DEPTOR: variants seen among roughly 807,000 people sequenced by gnomAD.
DEPTOR encodes the protein DEP domain-containing mTOR-interacting protein.
A neutral mutation model predicts 41.6 loss-of-function variants in DEPTOR; 41 were observed. The observed-to-expected ratio is 0.98, with a 90% CI of 0.77 to 1.28. The LOEUF (loss-of-function observed/expected upper bound fraction) is 1.28, where lower values mean the gene tolerates loss of function less well. Ranked by LOEUF, DEPTOR falls within the 50% of genes most tolerant of loss-of-function variation. The probability of loss-of-function intolerance (pLI) is 0.00; values close to 1 mark genes in which losing one functional copy is unlikely to be tolerated. For missense variants in DEPTOR, 514 were observed against 527.9 expected (o/e 0.97, Z 0.26); for synonymous variants, 195 against 192.3 (o/e 1.01, Z -0.12).
intron 1 of DEPTOR, among the ~76,000 whole-genome samples, chr8:119,889,210 AG>A (rs1421220861): frequency 1.3e-5 from 2 of 152,104 alleles, no homozygotes; most frequent in African/African-American, 4.8e-5. Flanking sequence ...CACTTAAAAA[AG>A]TAAGTCATGC....
intron 8 of DEPTOR, among the ~76,000 whole-genome samples, chr8:120,013,280 G>A (rs947570490): frequency 6.6e-6 from 1 of 152,054 alleles, no homozygotes; most frequent in Non-Finnish European, 1.5e-5. Flanking sequence ...CTGTTTGTTG[G>A]TTAAATTACA....
At chr8:119,959,162 T>C (rs944750554) in intron 3 of DEPTOR, among the ~76,000 whole-genome samples, 31 of 132,332 alleles carry the variant, frequency 2.3e-4, no homozygotes, top group East Asian at 1.2e-3. Context: ...TTCTTTCTTT[T>C]TTTTTTTTTT....
chr8:120,018,523 G>A (rs1339940259), intron 8 of DEPTOR, among the ~76,000 whole-genome samples: 2 of 151,996 alleles, frequency 1.3e-5, no homozygotes, highest in Non-Finnish European at 2.9e-5. Context: ...AGGTTGCCGT[G>A]AACCAAGATC....
At chr8:119,890,257 G>A (rs1827434707) in intron 1 of DEPTOR, among the ~76,000 whole-genome samples, 1 of 149,422 alleles carries the variant, frequency 6.7e-6, no homozygotes, top group Non-Finnish European at 1.5e-5. Context: ...GCCTGGCAAG[G>A]TGTCCATTGT....
At chr8:119,887,049 A>T (rs1186874200) in intron 1 of DEPTOR, among the ~76,000 whole-genome samples, 1 of 150,244 alleles carries the variant, frequency 6.7e-6, no homozygotes, top group Non-Finnish European at 1.5e-5. Context: ...ACCTAAAACC[A>T]CATTATATTA....
chr8:120,003,200 G>A (rs1174968177), intron 6 of DEPTOR, 89 bp downstream of exon 6: 1 of 1,555,874 alleles, frequency 6.4e-7, no homozygotes, highest in Non-Finnish European at 8.7e-7. Context: ...CGGGAGACTA[G>A]TGTGTGGGTT....
At chr8:119,995,357 G>A (rs1391684676) in intron 4 of DEPTOR, among the ~76,000 whole-genome samples, 3 of 152,056 alleles carry the variant, frequency 2.0e-5, no homozygotes, top group African/African-American at 7.2e-5. Context: ...GAGGCAAGGC[G>A]AGTGGATCAC....
chr8:119,925,969 C>T (rs932591547), intron 1 of DEPTOR, among the ~76,000 whole-genome samples: 3 of 152,134 alleles, frequency 2.0e-5, no homozygotes, highest in African/African-American at 7.2e-5. Flanking sequence ...TGTTTAGCTC[C>T]CTTTTAGAAG....
chr8:120,038,124 C>T (rs1299731259), intron 8 of DEPTOR, among the ~76,000 whole-genome samples: 1 of 150,994 alleles, frequency 6.6e-6, no homozygotes, highest in Non-Finnish European at 1.5e-5. Context: ...AAAAAATTAG[C>T]CAGATGTGGT....
chr8:119,997,110 A>G (rs1412946279), intron 4 of DEPTOR, among the ~76,000 whole-genome samples: 1 of 152,044 alleles, frequency 6.6e-6, no homozygotes, highest in Non-Finnish European at 1.5e-5. Flanking sequence ...ATTTTATTAT[A>G]TTTTATATTT....
intron 3 of DEPTOR, among the ~76,000 whole-genome samples, chr8:119,950,449 T>G (rs1240927280): frequency 6.6e-6 from 1 of 152,166 alleles, no homozygotes; most frequent in East Asian, 1.9e-4. Context: ...GAAGTCTTGC[T>G]CTGTTGCCCA....
At chr8:119,874,093 G>A in intron 1 of DEPTOR, 125 bp downstream of exon 1, 1 of 1,518,780 alleles carries the variant, frequency 6.6e-7, no homozygotes, top group South Asian at 1.2e-5. Context: ...GAACGGCTGC[G>A]GGCGCGTGGA....
intron 3 of DEPTOR, among the ~76,000 whole-genome samples, chr8:119,931,958 GATTATTATTATTATT>G (rs58758138): frequency 1.8e-4 from 26 of 142,680 alleles, no homozygotes; most frequent in African/African-American, 4.6e-4. Flanking sequence ...AATTAAAAAA[GATTATTATTATTATT>G]ATTATTATTA....
At chr8:119,878,570 G>A (rs1016323435) in intron 1 of DEPTOR, among the ~76,000 whole-genome samples, 5 of 151,538 alleles carry the variant, frequency 3.3e-5, no homozygotes, top group Middle Eastern at 6.8e-3. Context: ...CTCGTGATCC[G>A]CCCGCCTCGG....
At chr8:119,892,074 C>T (rs1223877630) in intron 1 of DEPTOR, among the ~76,000 whole-genome samples, 2 of 152,192 alleles carry the variant, frequency 1.3e-5, no homozygotes, top group Non-Finnish European at 2.9e-5. Context: ...TCTTGGCTCA[C>T]TGCAACCTCC....
At chr8:119,913,490 C>A (rs1353272188) in intron 1 of DEPTOR, among the ~76,000 whole-genome samples, 3 of 152,144 alleles carry the variant, frequency 2.0e-5, no homozygotes, top group Non-Finnish European at 4.4e-5. Flanking sequence ...TAGTGTCAGT[C>A]TATAGCCCAC....
At chr8:120,039,947 A>G (rs1156632650) in intron 8 of DEPTOR, among the ~76,000 whole-genome samples, 1 of 152,042 alleles carries the variant, frequency 6.6e-6, no homozygotes, top group Non-Finnish European at 1.5e-5. Flanking sequence ...CGGTTCAAGC[A>G]ATTCTCGTGC....
rs561586001 is a variant in DEPTOR at position 119,873,890 on chromosome 8, G to A, written c.44G>A (p.Ser15Asn). 174 of 1,613,776 alleles carry A rather than the reference G, an allele frequency of 1.1e-4. No homozygotes were observed. In the South Asian group the frequency reaches 1.6e-3, roughly 15 times the overall value. ...ACTGGCAGTGCTGGCAGTGACAGCA[G>A]CACCAGCGGGAGTGGCGGGGCGCAG... ...GSTGSAGSDS[S>N]TSGSGGAQQR... The change falls in exon 1 of 9, where the codon AGC becomes AAC. Residue 15 changes from serine to asparagine, a missense_variant. Transcript: ENST00000286234.
intron 4 of DEPTOR, among the ~76,000 whole-genome samples, chr8:119,987,819 A>AG (rs893029279): frequency 6.6e-6 from 1 of 152,078 alleles, no homozygotes; most frequent in African/African-American, 2.4e-5. Flanking sequence ...TTACACTGTG[A>AG]GGGGAAAACC....
Sources: allele counts gnomAD v4.1 joint callset (sites outside exome capture counted in the v4.1 genomes callset), GRCh38; gene constraint gnomAD v4.1.1; transcripts MANE v1.5; gene names NCBI Gene and HGNC (gene_info 2026-07-23, HGNC 2026-07-21).